AP1G1: variants seen among roughly 807,000 people sequenced by gnomAD.
AP1G1 encodes AP-1 complex subunit gamma-1.
A neutral mutation model predicts 108.3 loss-of-function variants in AP1G1; 7 were observed. That is an observed-to-expected ratio of 0.06 (90% confidence interval 0.04 to 0.12). The LOEUF is 0.12. Among genes scored for constraint, AP1G1 ranks in the 10% least tolerant of loss-of-function variants. AP1G1 has a pLI of 1.00. For missense variants in AP1G1, 756 were observed against 1,010.7 expected (o/e 0.75, Z 3.42); for synonymous variants, 379 against 353.5 (o/e 1.07, Z -0.81).
intron 12 of AP1G1, among the ~76,000 whole-genome samples, chr16:71,754,589 G>A (rs1276046420): frequency 6.6e-6 from 1 of 152,098 alleles, no homozygotes; most frequent in African/African-American, 2.4e-5. Flanking sequence ...TTGAGGCCAG[G>A]AGTTCCACAC....
At chr16:71,753,920 C>A in intron 12 of AP1G1, 33 bp from the exon 13 acceptor site, 1 of 1,600,316 alleles carries the variant, frequency 6.2e-7, no homozygotes, top group Non-Finnish European at 8.6e-7. Context: ...ACACTTGGAA[C>A]CAGTAAAATA....
At chr16:71,778,934 T>A (rs1214196811) in intron 2 of AP1G1, among the ~76,000 whole-genome samples, 1 of 152,120 alleles carries the variant, frequency 6.6e-6, no homozygotes, top group Non-Finnish European at 1.5e-5. Flanking sequence ...ATCTCAAATA[T>A]TTCAATGGAG....
chr16:71,732,822 A>G lies in AP1G1; in HGVS notation c.*236T>C. The G allele has an allele frequency of 7.1e-6, 3 of 424,438 alleles. No homozygotes were observed. The allele number at this position is 424,438 out of a possible 1,614,324, so 26.3% of individuals were successfully genotyped here. ...GGGTGGAGAAGTGCGGAAAAAGGAG[A>G]AGAGGAAGAGTGCAAAGTAGCCTCC... is the stretch of plus-strand genomic sequence containing the variant. On this transcript the variant is annotated 3_prime_UTR_variant, in exon 23 of 23. Coordinates refer to ENST00000299980, the MANE Select transcript of AP1G1 (RefSeq NM_001128.6).
In AP1G1 at chr16:71,731,697, C is replaced by G. The variant is rs1182953094; in HGVS notation, c.*1361G>C. ...TTCTAAAAAGCACTTGGCACTCTCA[C>G]TAGTTTAAAAAGCTCAAGTCTTTGA... On this transcript the variant is annotated 3_prime_UTR_variant, in exon 23 of 23. Transcript: ENST00000299980. 2.0e-5 allele frequency: 3 copies of G among 152,542 alleles called. No homozygotes were observed. In the East Asian group the frequency reaches 5.8e-4, roughly 29 times the overall value. The allele number at this position is 152,542 out of a possible 1,614,324, so 9.4% of individuals were successfully genotyped here. A position where few individuals can be genotyped will look rare whatever the true frequency, so the allele number is the denominator to read the frequency against.
chr16:71,780,882 C>T (rs756338161), intron 2 of AP1G1, among the ~76,000 whole-genome samples: 41 of 151,616 alleles, frequency 2.7e-4, no homozygotes, highest in Non-Finnish European at 4.6e-4. Context: ...GGGGTTTCAC[C>T]GTATTGCCCT....
intron 21 of AP1G1, among the ~76,000 whole-genome samples, chr16:71,738,078 C>T (rs1192683190): frequency 2.0e-5 from 3 of 152,200 alleles, no homozygotes. Flanking sequence ...GATGGAGTCT[C>T]GCTCTGTCAC....
chr16:71,771,007 T>G, intron 5 of AP1G1, 149 bp downstream of exon 5: 2 of 472,624 alleles, frequency 4.2e-6, no homozygotes, highest in Non-Finnish European at 3.7e-6. Context: ...TGGAAAGACT[T>G]GTCAGACCAG....
intron 10 of AP1G1, among the ~76,000 whole-genome samples, chr16:71,759,828 A>G (rs2030993200): frequency 6.6e-6 from 1 of 151,958 alleles, no homozygotes; most frequent in Non-Finnish European, 1.5e-5. Flanking sequence ...GACTGACTCA[A>G]TTCTTTAAAA....
chr16:71,800,939 G>A (rs541594944), intron 1 of AP1G1, among the ~76,000 whole-genome samples: 175 of 152,222 alleles, frequency 1.1e-3, no homozygotes, highest in African/African-American at 4.0e-3. Flanking sequence ...AGGTTGCGGT[G>A]AGCTGAGATC....
intron 2 of AP1G1, among the ~76,000 whole-genome samples, chr16:71,780,283 C>T (rs751994040): frequency 2.0e-5 from 3 of 151,828 alleles, no homozygotes; most frequent in African/African-American, 7.2e-5. Flanking sequence ...GCCACCGCGC[C>T]GGCCAAAAGT....
chr16:71,777,358 C>A (rs1469652413), intron 2 of AP1G1, among the ~76,000 whole-genome samples: 2 of 151,622 alleles, frequency 1.3e-5, no homozygotes, highest in Non-Finnish European at 2.9e-5. Context: ...GAGAGAGGAG[C>A]AACTGGGGGC....
chr16:71,800,394 T>G (rs2032749008), intron 1 of AP1G1, among the ~76,000 whole-genome samples: 1 of 147,020 alleles, frequency 6.8e-6, no homozygotes, highest in Non-Finnish European at 1.5e-5. Flanking sequence ...AAAAAAGAAT[T>G]ATATTGGCCA....
intron 6 of AP1G1, among the ~76,000 whole-genome samples, chr16:71,767,208 G>A (rs1304954129): frequency 1.3e-5 from 2 of 152,172 alleles, no homozygotes; most frequent in Admixed American, 6.5e-5. Context: ...GGGACACAGA[G>A]CACAAATGAC....
At chr16:71,804,994 G>A (rs1372968880) in intron 1 of AP1G1, among the ~76,000 whole-genome samples, 2 of 152,136 alleles carry the variant, frequency 1.3e-5, no homozygotes, top group African/African-American at 4.8e-5. Context: ...CTGGGTGAAA[G>A]AGTGAGAACC....
intron 5 of AP1G1, 56 bp from the exon 6 acceptor site, chr16:71,769,755 G>A (rs1401087632): frequency 4.2e-6 from 6 of 1,441,816 alleles, no homozygotes; most frequent in Non-Finnish European, 5.8e-6. Context: ...CAATTTTATA[G>A]AACAGGACTT....
At chr16:71,736,550 T>A (rs1471124017) in intron 21 of AP1G1, among the ~76,000 whole-genome samples, 4 of 121,958 alleles carry the variant, frequency 3.3e-5, no homozygotes, top group Non-Finnish European at 6.8e-5. Context: ...CCGGCTAATT[T>A]ATTATTTATT....
In AP1G1 at chr16:71,769,610, G is replaced by T; in HGVS notation, c.642+13C>A. The T allele has an allele frequency of 6.2e-7, 1 of 1,608,284 alleles. No individual in the cohort carries two copies. Among genetic ancestry groups the T allele is most frequent in the Non-Finnish European group, 8.5e-7 (1 of 1,175,006 alleles). ...CAATCAAGAAAGGCTTAGGCATACA[G>T]AATGGCACCTACCTTTCTGAAATGC... is the stretch of plus-strand genomic sequence containing the variant. On this transcript the variant is annotated intron_variant, in intron 6 of 22. Transcript: ENST00000299980.
intron 17 of AP1G1, among the ~76,000 whole-genome samples, chr16:71,746,303 C>A (rs889430215): frequency 3.3e-5 from 5 of 152,106 alleles, no homozygotes; most frequent in African/African-American, 1.2e-4. Context: ...AGCCACCACG[C>A]CCGGCCTCCC....
At chr16:71,739,191 T>C (rs1042884240) in intron 20 of AP1G1, 43 bp downstream of exon 20, 14 of 1,607,570 alleles carry the variant, frequency 8.7e-6, no homozygotes, top group Non-Finnish European at 1.0e-5. Flanking sequence ...CACATCTCAT[T>C]ACTCAGTGCT....
Sources: gnomAD v4.1 joint callset for allele counts (sites outside exome capture counted in the v4.1 genomes callset) on GRCh38, gnomAD v4.1.1 for gene constraint, MANE v1.5 for transcripts, NCBI Gene and HGNC (gene_info 2026-07-23, HGNC 2026-07-21) for gene names.